Variants in ABTB3 observed in about 807,000 individuals in gnomAD.
The protein encoded by ABTB3 is ankyrin repeat and BTB domain containing 3, also known as ankyrin repeat- and BTB/POZ domain-containing protein 3.
At chr12:107,328,356 C>T in the ABTB3 span, among the ~76,000 whole-genome samples, 1 of 152,156 alleles carries the variant, frequency 6.6e-6, no homozygotes, top group Non-Finnish European at 1.5e-5. Flanking sequence ...AAACGTTGAT[C>T]CTAGCATCTC....
the ABTB3 span, among the ~76,000 whole-genome samples, chr12:107,499,895 A>G: frequency 3.3e-5 from 5 of 152,102 alleles, no homozygotes; most frequent in Non-Finnish European, 5.9e-5. Flanking sequence ...TATGTTGGCC[A>G]GACTGGTCTT....
the ABTB3 span, among the ~76,000 whole-genome samples, chr12:107,334,671 G>T: frequency 6.6e-6 from 1 of 152,098 alleles, no homozygotes; most frequent in African/African-American, 2.4e-5. Context: ...TGGGAGTTGA[G>T]AGCATGTGGA....
At chr12:107,529,666 AT>A in the ABTB3 span, among the ~76,000 whole-genome samples, 1 of 152,226 alleles carries the variant, frequency 6.6e-6, no homozygotes, top group African/African-American at 2.4e-5. Context: ...TATATATATT[AT>A]TTGTTTAATC....
the ABTB3 span, among the ~76,000 whole-genome samples, chr12:107,504,070 T>C: frequency 6.6e-6 from 1 of 152,150 alleles, no homozygotes; most frequent in Admixed American, 6.5e-5. Context: ...CTCCTGGCCT[T>C]GGGAAAAAGG....
chr12:107,610,835 C>G, the ABTB3 span, among the ~76,000 whole-genome samples: 8 of 152,268 alleles, frequency 5.3e-5, no homozygotes, highest in South Asian at 4.2e-4. Flanking sequence ...AGCTATCCCC[C>G]CTAACTCCTG....
chr12:107,607,176 T>TAAAC, the ABTB3 span, among the ~76,000 whole-genome samples: 1 of 152,252 alleles, frequency 6.6e-6, no homozygotes, highest in South Asian at 2.1e-4. Context: ...CAGTTTCAGA[T>TAAAC]AAACAATGGA....
At chr12:107,504,156 C>T in the ABTB3 span, among the ~76,000 whole-genome samples, 2 of 152,108 alleles carry the variant, frequency 1.3e-5, no homozygotes, top group Admixed American at 6.5e-5. Flanking sequence ...GTAATCAGCT[C>T]CTGAATTTGG....
chr12:107,319,852 C>T, the ABTB3 span: 1 of 1,215,392 alleles, frequency 8.2e-7, no homozygotes, highest in East Asian at 3.2e-5. Context: ...GCAGCGCAGC[C>T]AGCAGCGCCA....
chr12:107,388,688 G>C, the ABTB3 span, among the ~76,000 whole-genome samples: 1 of 152,178 alleles, frequency 6.6e-6, no homozygotes, highest in Non-Finnish European at 1.5e-5. Context: ...CTGGCAAGTG[G>C]CATCTGCACA....
the ABTB3 span, among the ~76,000 whole-genome samples, chr12:107,350,400 G>A: frequency 1.3e-5 from 2 of 151,942 alleles, no homozygotes; most frequent in East Asian, 3.9e-4. Context: ...AATACAAAAA[G>A]AAATGGGCTG....
chr12:107,525,032 G>T, the ABTB3 span, among the ~76,000 whole-genome samples: 1 of 152,082 alleles, frequency 6.6e-6, no homozygotes, highest in Non-Finnish European at 1.5e-5. Flanking sequence ...GGTCCCATAA[G>T]ATCATAATAC....
the ABTB3 span, among the ~76,000 whole-genome samples, chr12:107,356,871 A>T: frequency 1.3e-5 from 2 of 152,372 alleles, no homozygotes; most frequent in Admixed American, 1.3e-4. Context: ...TGCCAAGCAC[A>T]GGGCTTATGC....
the ABTB3 span, among the ~76,000 whole-genome samples, chr12:107,389,843 TG>T: frequency 1.7e-5 from 1 of 59,312 alleles, no homozygotes; most frequent in Non-Finnish European, 3.3e-5. Context: ...CATGTGTGTG[TG>T]TTTGTGTGTG....
the ABTB3 span, among the ~76,000 whole-genome samples, chr12:107,344,925 T>C: frequency 6.6e-6 from 1 of 152,206 alleles, no homozygotes. Context: ...CCCTGGTGGG[T>C]AAAAGGGCTC....
At chr12:107,463,830 A>G in the ABTB3 span, among the ~76,000 whole-genome samples, 8 of 152,204 alleles carry the variant, frequency 5.3e-5, no homozygotes, top group Admixed American at 6.5e-5. Flanking sequence ...GGAAGCCTCA[A>G]CCAGCCTCCC....
the ABTB3 span, among the ~76,000 whole-genome samples, chr12:107,546,338 A>G: frequency 0.033 from 5,023 of 152,110 alleles, 271 homozygotes; most frequent in African/African-American, 0.11. Flanking sequence ...CTCTCCCCCA[A>G]AACCCACTGT....
the ABTB3 span, among the ~76,000 whole-genome samples, chr12:107,644,522 G>C: frequency 1.3e-5 from 2 of 152,146 alleles, no homozygotes; most frequent in Admixed American, 6.5e-5. Context: ...CCTGGAGAAG[G>C]GTGGGGTGCT....
the ABTB3 span, among the ~76,000 whole-genome samples, chr12:107,607,912 C>T: frequency 6.6e-6 from 1 of 152,154 alleles, no homozygotes; most frequent in Non-Finnish European, 1.5e-5. Context: ...TGAGGAGTCT[C>T]AGCGCCATAA....
At chr12:107,327,258 C>G in the ABTB3 span, among the ~76,000 whole-genome samples, 1 of 152,128 alleles carries the variant, frequency 6.6e-6, no homozygotes. Context: ...AATTCTGAAG[C>G]CCGGATTATT....
Sources: gnomAD v4.1 joint callset for allele counts (sites outside exome capture counted in the v4.1 genomes callset) on GRCh38, gnomAD v4.1.1 for gene constraint, MANE v1.5 for transcripts, NCBI Gene and HGNC (gene_info 2026-07-23, HGNC 2026-07-21) for gene names.